Variants in KRT75 observed in about 807,000 individuals in gnomAD.
The protein encoded by KRT75 is keratin 75.
KRT75 carries 35 observed loss-of-function variants against 48.8 expected under a neutral mutation model. The ratio of observed to expected loss-of-function variants is 0.72; its 90% CI spans 0.55 to 0.95. The LOEUF (loss-of-function observed/expected upper bound fraction) is 0.95. Ranked by LOEUF, KRT75 falls within the 40% of genes least tolerant of loss-of-function variation. The pLI, the probability that KRT75 is intolerant of heterozygous loss-of-function variation, is 0.00. For synonymous variants in KRT75, 301 were observed against 282.3 expected (o/e 1.07, Z -0.66); for missense variants, 776 against 709.9 (o/e 1.09, Z -1.06).
intron 7 of KRT75, among the ~76,000 whole-genome samples, chr12:52,427,409 A>T (rs1474002800): frequency 4.6e-5 from 7 of 152,258 alleles, no homozygotes; most frequent in African/African-American, 1.4e-4. Flanking sequence ...ACAGCTGTTG[A>T]TTACCTGTTA....
In KRT75 at chr12:52,428,284, G is replaced by A. The variant is rs749499698; in HGVS notation, c.1354C>T (p.Arg452Cys). 4.8e-5 allele frequency: 78 copies of A among 1,613,940 alleles called. No homozygotes were observed. The highest frequency in any genetic ancestry group is 5.8e-5 in the Non-Finnish European group (68 of 1,180,030). The stretch of plus-strand genomic sequence containing the variant: ...CACTCCTCGCCTTCCAGCAGCTTGC[G>A]GTAGGTGGCGATCTCCACGTCCAGG... The part of the protein sequence containing the change: ...LALDVEIATY[R>C]KLLEGEECRL... Residue 452 changes from arginine to cysteine, a missense_variant, in exon 7 of 9, where the codon CGC (arginine) becomes TGC (cysteine). By Grantham distance (180) the Arg-to-Cys change is radical (BLOSUM62 -3). Coordinates refer to ENST00000252245, the MANE Select transcript of KRT75 (RefSeq NM_004693.3).
chr12:52,430,557 G>C lies in KRT75; in HGVS notation c.1019C>G (p.Ser340Cys). The change falls in exon 5 of 9, where the codon TCC becomes TGC. Residue 340 changes from serine to cysteine, a missense_variant. Transcript: ENST00000252245. The stretch of plus-strand genomic sequence containing the variant: ...CATGCTCACCTTGGTCTGGTACCAG[G>C]ACTCAGCCTCGGCCCGGCTGCGGTT... ...IANRSRAEAE[S>C]WYQTKYEELQ... 1 of 1,614,110 alleles carries C rather than the reference G, an allele frequency of 6.2e-7. No homozygotes were observed. Among genetic ancestry groups the C allele is most frequent in the Non-Finnish European group, 8.5e-7 (1 of 1,180,018 alleles).
chr12:52,430,932 TG>T (rs1050943359), intron 4 of KRT75, among the ~76,000 whole-genome samples: 1 of 152,112 alleles, frequency 6.6e-6, no homozygotes, highest in African/African-American at 2.4e-5. Flanking sequence ...GGCATGAGGG[TG>T]GGTAAGCATC....
rs759870841 is a variant in KRT75, at chr12:52,433,032, A to G, written c.713+6T>C. Reference sequence around the variant, plus strand: ...GTGTGTGGCCAGAAGCCAGTCTCCCACTTACCTGACTTTGAAATCTTCCAC... The same window carrying G: ...GTGTGTGGCCAGAAGCCAGTCTCCCGCTTACCTGACTTTGAAATCTTCCAC... On this transcript the variant is annotated splice_donor_region_variant and intron_variant, in intron 2 of 8. Transcript: ENST00000252245. The G allele has an allele frequency of 2.4e-5, 39 of 1,612,752 alleles. No homozygotes were observed. Among genetic ancestry groups the G allele is most frequent in the Non-Finnish European group, 3.0e-5 (35 of 1,179,792 alleles).
chr12:52,426,150 G>A (rs537873678), intron 8 of KRT75, among the ~76,000 whole-genome samples: 1 of 152,290 alleles, frequency 6.6e-6, no homozygotes, highest in South Asian at 2.1e-4. Flanking sequence ...CATTTCTGTT[G>A]CCCTTGTGAT....
chr12:52,431,924 G>T, intron 3 of KRT75, 82 bp downstream of exon 3: 1 of 1,327,420 alleles, frequency 7.5e-7, no homozygotes, highest in Non-Finnish European at 1.1e-6. Context: ...TTCTTGGGTG[G>T]CCCAAGGGTC....
intron 8 of KRT75, among the ~76,000 whole-genome samples, chr12:52,425,107 G>A (rs1349591904): frequency 6.7e-6 from 1 of 149,642 alleles, no homozygotes; most frequent in Non-Finnish European, 1.5e-5. Flanking sequence ...CTTCCTTCTG[G>A]ATGCTTATGG....
chr12:52,428,891 G>T, intron 5 of KRT75, 148 bp from the exon 6 acceptor site: 1 of 935,628 alleles, frequency 1.1e-6, no homozygotes, highest in Non-Finnish European at 1.7e-6. Context: ...GTTTATTGGG[G>T]GACATAGACA....
At chr12:52,427,285 A>G (rs1213887581) in intron 7 of KRT75, among the ~76,000 whole-genome samples, 1 of 152,216 alleles carries the variant, frequency 6.6e-6, no homozygotes, top group Non-Finnish European at 1.5e-5. Context: ...TAAAAATAAC[A>G]ATAGTAATAT....
At chr12:52,430,256 CTG>C (rs1422686253) in intron 5 of KRT75, among the ~76,000 whole-genome samples, 1 of 152,074 alleles carries the variant, frequency 6.6e-6, no homozygotes, top group African/African-American at 2.4e-5. Context: ...TGCTTCATGA[CTG>C]TGTCTCGGTT....
At chr12:52,428,845 T>G in intron 5 of KRT75, 102 bp from the exon 6 acceptor site, 1 of 1,392,266 alleles carries the variant, frequency 7.2e-7, no homozygotes, top group Non-Finnish European at 1.0e-6. Context: ...GGCTCATTCA[T>G]TCCTGGTCAT....
In KRT75 at chr12:52,424,719, C is replaced by A; in HGVS notation, c.1454G>T (p.Ser485Ile). The change falls in exon 9 of 9, where the codon AGC (serine) becomes ATC (isoleucine). Residue 485 changes from serine (S) to isoleucine (I), a missense_variant. Transcript: ENST00000252245. ...VTSTLSSGYG[S>I]GSSIGGGNLG... The stretch of plus-strand genomic sequence containing the variant: ...GTTTCCACCTCCAATGCTGCTGCCG[C>A]TTCCATAGCCACTGGAAAGAGTAGA... The A allele has an allele frequency of 6.2e-7, 1 of 1,613,994 alleles. No individual in the cohort carries two copies. The highest frequency in any genetic ancestry group is 8.5e-7 in the Non-Finnish European group (1 of 1,179,894).
chr12:52,428,902 T>G (rs1417391651), intron 5 of KRT75, among the ~76,000 whole-genome samples, 159 bp from the exon 6 acceptor site: 2 of 152,330 alleles, frequency 1.3e-5, no homozygotes, highest in East Asian at 3.9e-4. Flanking sequence ...GACATAGACA[T>G]TAACTGAATT....
At position 52,424,164 on chromosome 12, in the gene KRT75, G is replaced by A. The variant is rs1252140813; in HGVS notation, c.*353C>T. 1.0e-5 allele frequency: 4 copies of A among 393,378 alleles called. No individual in the cohort carries two copies. Among genetic ancestry groups the A allele is most frequent in the Non-Finnish European group, 1.5e-5 (3 of 206,626 alleles). The allele number at this position is 393,378 out of a possible 1,614,324, so 24.4% of individuals were successfully genotyped here. On this transcript the variant is annotated 3_prime_UTR_variant, in exon 9 of 9. Coordinates refer to ENST00000252245, the MANE Select transcript of KRT75 (RefSeq NM_004693.3). ...CACTTATAAACACTATGAGACAGGT[G>A]GGTGACAACCTGGCATTGAGAGACT...
chr12:52,429,445 A>C (rs1565792149), intron 5 of KRT75, among the ~76,000 whole-genome samples: 1 of 152,128 alleles, frequency 6.6e-6, no homozygotes, highest in Non-Finnish European at 1.5e-5. Flanking sequence ...AAGAGCAATA[A>C]TTACACCCTG....
At position 52,434,113 on chromosome 12, in the gene KRT75, G is replaced by A. The variant is rs779492967; in HGVS notation, c.192C>T (p.Asn64=). The A allele has an allele frequency of 2.5e-6, 4 of 1,614,048 alleles. No individual in the cohort carries two copies. Among genetic ancestry groups the A allele is most frequent in the African/African-American group, 2.7e-5 (2 of 74,922 alleles). The change falls in exon 1 of 9, where the codon AAC becomes AAT. Residue 64 remains asparagine (N), a synonymous_variant. Transcript: ENST00000252245. ...GASFGSRSLY[N]LGGAKRVSIN... Reference sequence around the variant, plus strand: ...TGGAGACCCGCTTGGCACCCCCCAGGTTGTAGAGGCTGCGGCTTCCAAAGC... The same window carrying A: ...TGGAGACCCGCTTGGCACCCCCCAGATTGTAGAGGCTGCGGCTTCCAAAGC...
intron 5 of KRT75, among the ~76,000 whole-genome samples, chr12:52,429,566 C>T (rs149728324): frequency 1.3e-5 from 2 of 152,254 alleles, no homozygotes; most frequent in African/African-American, 2.4e-5. Flanking sequence ...CTCAGGTTCC[C>T]GCTTCTAGGT....
chr12:52,431,000 C>A (rs540925133), intron 4 of KRT75, among the ~76,000 whole-genome samples: 2 of 152,188 alleles, frequency 1.3e-5, no homozygotes, highest in African/African-American at 4.8e-5. Flanking sequence ...AGTATGCCAA[C>A]ATAAACGGCT....
In KRT75 at chr12:52,434,053, A is replaced by G. The variant is rs1418256948; in HGVS notation, c.252T>C (p.Phe84=). 6 of 1,614,004 alleles carry G rather than the reference A, an allele frequency of 3.7e-6. No homozygotes were observed. The highest frequency in any genetic ancestry group is 3.3e-5 in the Admixed American group (2 of 60,012). ...NGCGSSCRSG[F]GGRASNRFGV... ...CAAACCTGTTGCTGGCCCTGCCACC[A>G]AAGCCACTTCGGCAGCTGCTGCCAC... Residue 84 remains phenylalanine, a synonymous_variant, in exon 1 of 9, where the codon TTT becomes TTC. Coordinates refer to ENST00000252245, the MANE Select transcript of KRT75 (RefSeq NM_004693.3).
Sources: allele counts gnomAD v4.1 joint callset (sites outside exome capture counted in the v4.1 genomes callset), GRCh38; gene constraint gnomAD v4.1.1; transcripts MANE v1.5; gene names NCBI Gene and HGNC (gene_info 2026-07-23, HGNC 2026-07-21).